TENM4: variants seen among roughly 807,000 people sequenced by gnomAD.
TENM4 encodes the protein teneurin-4.
A neutral mutation model predicts 243.3 loss-of-function variants in TENM4; 82 were observed. The ratio of observed to expected loss-of-function variants is 0.34; its 90% CI spans 0.28 to 0.40. The LOEUF (loss-of-function observed/expected upper bound fraction) is 0.40, where lower values mean the gene tolerates loss of function less well. Ranked by LOEUF, TENM4 falls within the 10% of genes least tolerant of loss-of-function variation. TENM4 has a pLI of 1.00. For synonymous variants in TENM4, 1,412 were observed against 1,456.3 expected (o/e 0.97, Z 0.69); for missense variants, 3,138 against 3,673.3 (o/e 0.85, Z 3.77).
At chr11:78,677,554 A>C (rs1169657733) in intron 29 of TENM4, among the ~76,000 whole-genome samples, 1 of 152,118 alleles carries the variant, frequency 6.6e-6, no homozygotes, top group East Asian at 1.9e-4. Context: ...CATACCTGGC[A>C]GGTTGAACAT....
chr11:78,822,385 A>T (rs1340917392), intron 12 of TENM4, among the ~76,000 whole-genome samples: 1 of 152,232 alleles, frequency 6.6e-6, no homozygotes, highest in Non-Finnish European at 1.5e-5. Flanking sequence ...TAGCTCAGGA[A>T]GTGTTCCAGT....
chr11:79,230,519 G>T (rs1864354732), intron 2 of TENM4, among the ~76,000 whole-genome samples: 1 of 152,212 alleles, frequency 6.6e-6, no homozygotes, highest in African/African-American at 2.4e-5. Context: ...GCCTCTGCCT[G>T]TGGCTAGCTT....
intron 4 of TENM4, among the ~76,000 whole-genome samples, chr11:79,134,412 T>C (rs574026994): frequency 5.3e-5 from 8 of 152,160 alleles, no homozygotes; most frequent in African/African-American, 1.7e-4. Flanking sequence ...GTGAAAATGA[T>C]CATACTGCCA....
At chr11:78,965,306 C>T (rs926153634) in intron 6 of TENM4, among the ~76,000 whole-genome samples, 10 of 151,718 alleles carry the variant, frequency 6.6e-5, no homozygotes, top group African/African-American at 2.2e-4. Context: ...GTAACAAAAC[C>T]GCCCCACCAA....
intron 2 of TENM4, among the ~76,000 whole-genome samples, chr11:79,223,005 C>A (rs543327777): frequency 5.3e-5 from 8 of 152,154 alleles, no homozygotes; most frequent in African/African-American, 1.9e-4. Flanking sequence ...GGAGGGAGAG[C>A]ATCAGGATAA....
At chr11:79,287,775 G>A (rs1367318513) in intron 2 of TENM4, among the ~76,000 whole-genome samples, 1 of 152,214 alleles carries the variant, frequency 6.6e-6, no homozygotes, top group East Asian at 1.9e-4. Context: ...GAGGATTCTA[G>A]ATTCTTCCCT....
At chr11:79,129,803 C>G (rs1017653938) in intron 4 of TENM4, among the ~76,000 whole-genome samples, 1 of 152,170 alleles carries the variant, frequency 6.6e-6, no homozygotes, top group African/African-American at 2.4e-5. Context: ...CGTACCCACC[C>G]TGGTAGTGGA....
At chr11:79,189,573 C>T (rs2135158556) in intron 3 of TENM4, among the ~76,000 whole-genome samples, 1 of 152,310 alleles carries the variant, frequency 6.6e-6, no homozygotes, top group Non-Finnish European at 1.5e-5. Flanking sequence ...GACAGCTCTT[C>T]CCATGTCATT....
intron 3 of TENM4, among the ~76,000 whole-genome samples, chr11:79,197,141 A>C (rs991140827): frequency 1.3e-5 from 2 of 152,222 alleles, no homozygotes; most frequent in African/African-American, 4.8e-5. Context: ...GACTGGAAAC[A>C]GGCTGGGATG....
chr11:79,279,010 ACACGTCTGCTTTCAGG>A (rs1270105202), intron 2 of TENM4, among the ~76,000 whole-genome samples: 1 of 152,140 alleles, frequency 6.6e-6, no homozygotes, highest in African/African-American at 2.4e-5. Flanking sequence ...GAGCCCAGAC[ACACGTCTGCTTTCAGG>A]CACGTGCACA....
At chr11:78,871,026 T>G (rs1446764558) in intron 9 of TENM4, among the ~76,000 whole-genome samples, 1 of 152,166 alleles carries the variant, frequency 6.6e-6, no homozygotes, top group East Asian at 1.9e-4. Context: ...CACCAACCTT[T>G]GGACTCACCT....
intron 9 of TENM4, 40 bp from the exon 10 acceptor site, chr11:78,863,172 A>G: frequency 6.9e-7 from 1 of 1,443,322 alleles, no homozygotes; most frequent in South Asian, 1.4e-5. Context: ...TTTCTGCTGG[A>G]GGCAGAAACG....
intron 9 of TENM4, among the ~76,000 whole-genome samples, chr11:78,867,821 C>T (rs948732615): frequency 6.6e-6 from 1 of 152,098 alleles, no homozygotes; most frequent in Non-Finnish European, 1.5e-5. Context: ...TTACTGGAGA[C>T]CACAGAGCTG....
At chr11:78,832,879 G>A (rs1186657397) in intron 12 of TENM4, among the ~76,000 whole-genome samples, 4 of 152,212 alleles carry the variant, frequency 2.6e-5, no homozygotes, top group African/African-American at 9.6e-5. Context: ...AATCACCACA[G>A]TATCCTTAAC....
At chr11:78,738,020 C>G (rs1855838151) in intron 20 of TENM4, among the ~76,000 whole-genome samples, 1 of 152,178 alleles carries the variant, frequency 6.6e-6, no homozygotes, top group African/African-American at 2.4e-5. Context: ...TTTCATTCTG[C>G]TGATGGTTCT....
chr11:79,425,072 C>A (rs1211520807), intron 1 of TENM4, among the ~76,000 whole-genome samples: 1 of 152,122 alleles, frequency 6.6e-6, no homozygotes, highest in Non-Finnish European at 1.5e-5. Context: ...ATCCTAAGTG[C>A]CTTGAGATCT....
intron 1 of TENM4, among the ~76,000 whole-genome samples, chr11:79,396,239 C>T (rs1858342310): frequency 6.6e-6 from 1 of 152,222 alleles, no homozygotes; most frequent in African/African-American, 2.4e-5. Flanking sequence ...TATTCTCCCC[C>T]ACTGTATGGT....
chr11:79,072,234 C>T (rs887642842), intron 4 of TENM4, among the ~76,000 whole-genome samples: 1 of 152,142 alleles, frequency 6.6e-6, no homozygotes, highest in African/African-American at 2.4e-5. Flanking sequence ...CATCTGTCAT[C>T]CCAGCATTTT....
chr11:78,828,341 G>A (rs1857904113), intron 12 of TENM4, among the ~76,000 whole-genome samples: 1 of 152,306 alleles, frequency 6.6e-6, no homozygotes, highest in South Asian at 2.1e-4. Context: ...TGGGGGGCAT[G>A]TAGTAATATC....
Sources: gnomAD v4.1 joint callset for allele counts (sites outside exome capture counted in the v4.1 genomes callset) on GRCh38, gnomAD v4.1.1 for gene constraint, MANE v1.5 for transcripts, NCBI Gene and HGNC (gene_info 2026-07-23, HGNC 2026-07-21) for gene names.